The following DLGAP2 variants were observed in gnomAD, a reference collection of about 807,000 sequenced individuals.
DLGAP2 encodes the protein DLG associated protein 2, also known as disks large-associated protein 2.
DLGAP2 carries 26 observed loss-of-function variants against 100.3 expected under a neutral mutation model. The ratio of observed to expected loss-of-function variants is 0.26; its 90% CI spans 0.19 to 0.36. The LOEUF (loss-of-function observed/expected upper bound fraction) is 0.36. Ranked by LOEUF, DLGAP2 falls within the 10% of genes least tolerant of loss-of-function variation. The pLI, the probability that DLGAP2 is intolerant of heterozygous loss-of-function variation, is 1.00. For missense variants in DLGAP2, 1,858 were observed against 1,453.2 expected, an observed-to-expected ratio of 1.28 and a Z score of -4.53; for synonymous variants, 886 against 630.1, an observed-to-expected ratio of 1.41 and a Z score of -6.08.
intron 3 of DLGAP2, among the ~76,000 whole-genome samples, chr8:1,481,414 G>C (rs1240858933): frequency 6.6e-6 from 1 of 150,692 alleles, no homozygotes. Context: ...AAAATCTTAA[G>C]AGGAAGGGTC....
intron 6 of DLGAP2, among the ~76,000 whole-genome samples, chr8:1,598,061 C>G (rs1350210516): frequency 6.6e-6 from 1 of 152,108 alleles, no homozygotes; most frequent in East Asian, 1.9e-4. Context: ...TTATTGAGAG[C>G]TTTTAGCATG....
At chr8:1,525,545 G>C (rs1418237205) in intron 4 of DLGAP2, among the ~76,000 whole-genome samples, 2 of 152,206 alleles carry the variant, frequency 1.3e-5, no homozygotes, top group African/African-American at 2.4e-5. Context: ...AAGAACTCAG[G>C]ACTTACACAG....
chr8:1,006,974 A>G (rs1411875525), intron 2 of DLGAP2, among the ~76,000 whole-genome samples: 1 of 151,508 alleles, frequency 6.6e-6, no homozygotes, highest in Non-Finnish European at 1.5e-5. Flanking sequence ...CGTGTGTCTC[A>G]AGTCTCAGGA....
intron 2 of DLGAP2, among the ~76,000 whole-genome samples, chr8:1,227,836 GAATTATAGCTAATAA>G (rs1798453298): frequency 6.6e-6 from 1 of 152,098 alleles, no homozygotes; most frequent in African/African-American, 2.4e-5. Context: ...TACAACAGGA[GAATTATAGCTAATAA>G]AATTGAACTG....
chr8:1,527,241 C>T (rs913212694), intron 4 of DLGAP2, among the ~76,000 whole-genome samples: 2 of 152,244 alleles, frequency 1.3e-5, no homozygotes, highest in Non-Finnish European at 2.9e-5. Flanking sequence ...CCCACCCCAG[C>T]TTTCAAGTCT....
At chr8:1,388,736 G>C (rs570897277) in intron 3 of DLGAP2, among the ~76,000 whole-genome samples, 31 of 103,874 alleles carry the variant, frequency 3.0e-4, no homozygotes, top group African/African-American at 9.8e-4. Flanking sequence ...CGCTGGTTCA[G>C]GTGTCAGGGC....
chr8:1,098,621 ACCCACGCCAGGC>A, intron 2 of DLGAP2, among the ~76,000 whole-genome samples: 1 of 111,648 alleles, frequency 9.0e-6, no homozygotes, highest in Non-Finnish European at 2.1e-5. Context: ...GGGCGCCGCC[ACCCACGCCAGGC>A]TCCCGGCCGC....
At chr8:1,539,805 G>A (rs114848841) in intron 4 of DLGAP2, among the ~76,000 whole-genome samples, 18 of 152,302 alleles carry the variant, frequency 1.2e-4, no homozygotes, top group African/African-American at 4.3e-4. Flanking sequence ...AGAGCCAGCA[G>A]GTGGGACACA....
intron 5 of DLGAP2, among the ~76,000 whole-genome samples, chr8:1,552,276 A>G (rs191594385): frequency 1.3e-3 from 194 of 152,332 alleles, no homozygotes; most frequent in African/African-American, 4.5e-3. Context: ...CACGGCTTTC[A>G]TGGCGCTCGT....
At chr8:1,388,208 G>T (rs1295963219) in intron 3 of DLGAP2, among the ~76,000 whole-genome samples, 1 of 128,252 alleles carries the variant, frequency 7.8e-6, no homozygotes, top group Non-Finnish European at 1.7e-5. Context: ...AGAGACCGTG[G>T]ATGAGGAGGC....
intron 1 of DLGAP2, among the ~76,000 whole-genome samples, chr8:862,152 G>T (rs183979731): frequency 6.5e-4 from 99 of 152,200 alleles, no homozygotes; most frequent in African/African-American, 2.3e-3. Context: ...CCGTGTCATG[G>T]CCAGGAGAAG....
intron 4 of DLGAP2, among the ~76,000 whole-genome samples, chr8:1,505,892 T>C (rs1458454717): frequency 2.6e-5 from 4 of 152,234 alleles, no homozygotes; most frequent in South Asian, 4.1e-4. Context: ...AAGAGTGCTA[T>C]ATTGACCCAA....
chr8:1,475,683 G>A (rs1002366841), intron 3 of DLGAP2, among the ~76,000 whole-genome samples: 3 of 152,216 alleles, frequency 2.0e-5, no homozygotes, highest in Non-Finnish European at 2.9e-5. Flanking sequence ...GAGGAAGACA[G>A]AACCCTCGCG....
intron 1 of DLGAP2, among the ~76,000 whole-genome samples, chr8:745,536 A>G (rs1352984203): frequency 2.0e-5 from 3 of 152,350 alleles, no homozygotes; most frequent in Middle Eastern, 6.8e-3. Context: ...CTCAATTTTA[A>G]AAAAACTCTT....
chr8:1,370,904 C>T (rs1802221680), intron 3 of DLGAP2, among the ~76,000 whole-genome samples: 1 of 152,150 alleles, frequency 6.6e-6, no homozygotes, highest in Non-Finnish European at 1.5e-5. Context: ...TGTTAGGTGC[C>T]TAGAACAGGG....
At chr8:1,602,167 C>G (rs926051682) in intron 6 of DLGAP2, among the ~76,000 whole-genome samples, 8 of 152,144 alleles carry the variant, frequency 5.3e-5, no homozygotes, top group Admixed American at 4.6e-4. Context: ...TCATTCACAA[C>G]ACATATTCGA....
chr8:1,456,192 G>A (rs1283847930), intron 3 of DLGAP2, among the ~76,000 whole-genome samples: 1 of 152,164 alleles, frequency 6.6e-6, no homozygotes, highest in Non-Finnish European at 1.5e-5. Flanking sequence ...GGATTCTGCA[G>A]CATTTTGCAA....
Position 1,257,442 on chromosome 8 carries a change from C to T in DLGAP2, c.74-1409C>T, listed in dbSNP as rs796349883. Reference sequence around the variant, plus strand: ...CTCTCTGCCTGCCCCTCCACCCCCCCGCCCCATCCTTCTGGGCAGATGCTG... The same window carrying T: ...CTCTCTGCCTGCCCCTCCACCCCCCTGCCCCATCCTTCTGGGCAGATGCTG... On this transcript the variant is annotated intron_variant, in intron 2 of 14. Coordinates refer to ENST00000637795, the MANE Select transcript of DLGAP2 (RefSeq NM_001346810.2). 3.9e-5 allele frequency among the ~76,000 whole-genome samples: 6 copies of T among 152,258 alleles called. No homozygotes were observed. In the South Asian group the frequency reaches 8.3e-4, roughly 21 times the overall value.
intron 3 of DLGAP2, among the ~76,000 whole-genome samples, chr8:1,356,165 C>A (rs986671725): frequency 6.6e-6 from 1 of 152,144 alleles, no homozygotes; most frequent in African/African-American, 2.4e-5. Flanking sequence ...TGGCTCTTGC[C>A]CTGTGGTTGA....
Sources: allele counts gnomAD v4.1 joint callset (sites outside exome capture counted in the v4.1 genomes callset), GRCh38; gene constraint gnomAD v4.1.1; transcripts MANE v1.5; gene names NCBI Gene and HGNC (gene_info 2026-07-23, HGNC 2026-07-21).